DENND2A: variants seen among roughly 807,000 people sequenced by gnomAD.
DENND2A encodes DENN domain-containing protein 2A.
In DENND2A, 53 loss-of-function variants were observed where a neutral mutation model predicts 105.3. That is an observed-to-expected ratio of 0.50 (90% CI 0.40 to 0.63). The LOEUF (loss-of-function observed/expected upper bound fraction) is 0.63. Among genes scored for constraint, DENND2A ranks in the 30% least tolerant of loss-of-function variants. The pLI, the probability that DENND2A is intolerant of heterozygous loss-of-function variation, is 0.00. For missense variants in DENND2A, 1,138 were observed against 1,279.6 expected (o/e 0.89, Z 1.69); for synonymous variants, 522 against 508.4 (o/e 1.03, Z -0.36).
At chr7:140,577,590 G>A (rs1249560471) in intron 5 of DENND2A, among the ~76,000 whole-genome samples, 1 of 152,040 alleles carries the variant, frequency 6.6e-6, no homozygotes, top group Non-Finnish European at 1.5e-5. Flanking sequence ...TAGAGACGGG[G>A]TTTTGCCATA....
intron 12 of DENND2A, among the ~76,000 whole-genome samples, chr7:140,551,153 T>C (rs1250391313): frequency 6.6e-6 from 1 of 151,104 alleles, no homozygotes. Flanking sequence ...ATACAAAAAT[T>C]AGCTGGGTGT....
rs1799667007 is a variant in DENND2A, at chr7:140,605,778, T to TG, written c.-220dup. On this transcript the variant is annotated 5_prime_UTR_variant, in exon 2 of 20. Coordinates refer to ENST00000496613, the MANE Select transcript of DENND2A (RefSeq NM_015689.5). ...TTGGCCGGCCTGCACACTGTCATCA[T>TG]GTCAGTACCGAGGGGAGTTCCAGGT... 6.6e-6 allele frequency: 1 copy of TG among 152,260 alleles called. No individual in the cohort carries two copies. The highest frequency in any genetic ancestry group is 1.9e-4 in the East Asian group (1 of 5,184). The allele number at this position is 152,260 out of a possible 1,614,324, so 9.4% of individuals were successfully genotyped here.
chr7:140,555,514 TGGGAA>T, intron 12 of DENND2A, 117 bp downstream of exon 12: 1 of 827,044 alleles, frequency 1.2e-6, no homozygotes. Context: ...AGTGAAGAAA[TGGGAA>T]GGGAAGTAGG....
chr7:140,519,790 T>C, intron 18 of DENND2A, 72 bp from the exon 19 acceptor site: 2 of 1,369,046 alleles, frequency 1.5e-6, no homozygotes, highest in Non-Finnish European at 2.1e-6. Flanking sequence ...ATTTCCTCCC[T>C]ACCAGAGAAA....
intron 1 of DENND2A, among the ~76,000 whole-genome samples, chr7:140,608,162 A>G (rs932760346): frequency 6.6e-6 from 1 of 152,224 alleles, no homozygotes; most frequent in African/African-American, 2.4e-5. Flanking sequence ...ACTTCCCATC[A>G]GGGAGTAATA....
At chr7:140,561,824 A>T (rs1389401577) in intron 9 of DENND2A, among the ~76,000 whole-genome samples, 3 of 150,702 alleles carry the variant, frequency 2.0e-5, no homozygotes, top group Non-Finnish European at 4.4e-5. Context: ...CCTAACCTAA[A>T]TTTTTCTGTA....
Position 140,585,642 on chromosome 7 carries a change from C to T in DENND2A, c.1192G>A (p.Val398Ile). The part of the protein sequence containing the change: ...LHGRCLGKKC[V>I]LNFPASPTSS... The stretch of plus-strand genomic sequence containing the variant: ...GTGGGAGAAGCAGGAAAATTCAAGA[C>T]ACACTTCTTTCCCAGGCAGCGACCA... The change falls in exon 5 of 20, where the codon GTC (valine) becomes ATC (isoleucine). Residue 398 changes from valine to isoleucine, a missense_variant. Transcript: ENST00000496613. The T allele has an allele frequency of 1.2e-6, 2 of 1,614,152 alleles. No individual in the cohort carries two copies. The highest frequency in any genetic ancestry group is 2.2e-5 in the East Asian group (1 of 44,876).
intron 1 of DENND2A, among the ~76,000 whole-genome samples, chr7:140,608,416 C>G (rs1386951808): frequency 6.6e-6 from 1 of 152,174 alleles, no homozygotes; most frequent in Non-Finnish European, 1.5e-5. Flanking sequence ...GTAGCTCACA[C>G]CTGTAATTCC....
Position 140,521,890 on chromosome 7 carries a change from A to G in DENND2A, c.2876T>C (p.Ile959Thr). 6.2e-7 allele frequency: 1 copy of G among 1,614,126 alleles called. No homozygotes were observed. The highest frequency in any genetic ancestry group is 8.5e-7 in the Non-Finnish European group (1 of 1,180,048). Residue 959 changes from isoleucine to threonine, a missense_variant, in exon 18 of 20, where the codon ATC (isoleucine) becomes ACC (threonine). By Grantham distance (89) the Ile-to-Thr change is moderately conservative (BLOSUM62 -1). This residue lies in a region of DENND2A where 627 missense variants were observed against 779.8 expected (regional missense o/e 0.80). Coordinates refer to ENST00000496613, the MANE Select transcript of DENND2A (RefSeq NM_015689.5). ...CTGCCGGCGCAGCTCCCGCTCCTGGATGAAGCCCCGAAACATCTGAGTCTC... is the reference window on the plus strand; with the variant it reads ...CTGCCGGCGCAGCTCCCGCTCCTGGGTGAAGCCCCGAAACATCTGAGTCTC... ...FMETQMFRGFIQERELRRQDA... is the reference protein window; with the variant it reads ...FMETQMFRGFTQERELRRQDA...
chr7:140,601,749 C>A lies in DENND2A; in HGVS notation c.649G>T (p.Val217Phe), dbSNP rs750333886. The change falls in exon 3 of 20, where the codon GTC becomes TTC. Residue 217 changes from valine (V) to phenylalanine (F), a missense_variant. Around this residue, in one of 2 missense-constraint regions of DENND2A, gnomAD observed 511 missense variants for 499.9 expected, o/e 1.02. Coordinates refer to ENST00000496613, the MANE Select transcript of DENND2A (RefSeq NM_015689.5). ...CTGCCTTCCAGGTCCGAGGGGTGGA[C>A]CCTCTGGCTGACTTCTGAGCCACTC... ...GGSGSEVSQRVHPSDLEGREP... is the reference protein window; with the variant it reads ...GGSGSEVSQRFHPSDLEGREP... The A allele has an allele frequency of 2.5e-6, 4 of 1,614,010 alleles. No homozygotes were observed. Among genetic ancestry groups the A allele is most frequent in the Non-Finnish European group, 3.4e-6 (4 of 1,180,008 alleles).
rs577344876 is a variant in DENND2A, at chr7:140,610,439, G to C, written c.-247-4633C>G. 2.4e-4 allele frequency among the ~76,000 whole-genome samples: 37 copies of C among 152,172 alleles called. 1 individual carries two copies. Among genetic ancestry groups the C allele is most frequent in the African/African-American group, 7.9e-4 (33 of 41,516 alleles). On this transcript the variant is annotated intron_variant, in intron 1 of 19. Transcript: ENST00000496613. ...GAATTACCCTTAATTTTGAGAGAGA[G>C]AGAGATCAAGAGATCTCATAGTGAG... is the stretch of plus-strand genomic sequence containing the variant.
At chr7:140,612,149 G>A (rs1022823267) in intron 1 of DENND2A, among the ~76,000 whole-genome samples, 2 of 151,798 alleles carry the variant, frequency 1.3e-5, no homozygotes, top group African/African-American at 4.8e-5. Flanking sequence ...GCTGAGGCAA[G>A]ATAATCGCTT....
At chr7:140,603,050 C>T (rs770925993) in intron 2 of DENND2A, among the ~76,000 whole-genome samples, 14 of 151,982 alleles carry the variant, frequency 9.2e-5, no homozygotes, top group Non-Finnish European at 1.9e-4. Flanking sequence ...TTTGGGAGGC[C>T]GAGGCGGGTG....
intron 14 of DENND2A, among the ~76,000 whole-genome samples, chr7:140,542,887 A>G (rs577551831): frequency 1.3e-5 from 2 of 152,070 alleles, no homozygotes; most frequent in Admixed American, 6.6e-5. Flanking sequence ...CCTGAAGGTG[A>G]CAGCTAGGCC....
At chr7:140,633,523 A>G (rs1366768417) in intron 1 of DENND2A, among the ~76,000 whole-genome samples, 1 of 152,176 alleles carries the variant, frequency 6.6e-6, no homozygotes, top group Non-Finnish European at 1.5e-5. Context: ...TTTACCTACC[A>G]TAAACTTGCA....
intron 4 of DENND2A, 81 bp from the exon 5 acceptor site, chr7:140,585,791 G>T: frequency 6.3e-7 from 1 of 1,588,740 alleles, no homozygotes; most frequent in Non-Finnish European, 8.6e-7. Context: ...CAGTATCTTG[G>T]CCTCTCCTGT....
intron 1 of DENND2A, among the ~76,000 whole-genome samples, chr7:140,612,331 G>A (rs536264011): frequency 5.9e-5 from 9 of 152,036 alleles, no homozygotes; most frequent in Non-Finnish European, 1.2e-4. Context: ...TGTATATTCC[G>A]TGAAAAAAAT....
chr7:140,564,655 G>A (rs183576014), intron 9 of DENND2A, among the ~76,000 whole-genome samples: 1 of 152,226 alleles, frequency 6.6e-6, no homozygotes, highest in African/African-American at 2.4e-5. Flanking sequence ...AACAGTGAAT[G>A]TGCAACTTTA....
In DENND2A at chr7:140,555,520, G is replaced by A. The variant is rs543888721; in HGVS notation, c.2037+116C>T. ...GAGGAGAGGAGTGAAGAAATGGGAA[G>A]GGAAGTAGGTAGAGAATAAGATGAT... On this transcript the variant is annotated intron_variant, in intron 12 of 19. Coordinates refer to ENST00000496613, the MANE Select transcript of DENND2A (RefSeq NM_015689.5). 123 of 854,850 alleles carry A rather than the reference G, an allele frequency of 1.4e-4. 1 individual carries two copies. The South Asian group carries it at 2.0e-3, about 14-fold the overall frequency. 53.0% of individuals were successfully genotyped at this position (854,850 alleles called of 1,614,324 possible). A position where few individuals can be genotyped will look rare whatever the true frequency, so the allele number is the denominator to read the frequency against.
Sources: allele counts gnomAD v4.1 joint callset (sites outside exome capture counted in the v4.1 genomes callset), GRCh38; gene constraint gnomAD v4.1.1; regional missense constraint gnomAD v4.1.1; transcripts MANE v1.5; gene names NCBI Gene and HGNC (gene_info 2026-07-23, HGNC 2026-07-21).